CHLSN: variants seen among roughly 807,000 people sequenced by gnomAD.
CHLSN encodes cholesin.
chr7:1,106,434 C>A, the CHLSN span, among the ~76,000 whole-genome samples: 1 of 152,098 alleles, frequency 6.6e-6, no homozygotes, highest in African/African-American at 2.4e-5. Context: ...GCCAGGACAG[C>A]GTGGCAGGGA....
chr7:1,042,588 C>T, the CHLSN span, among the ~76,000 whole-genome samples: 1 of 152,252 alleles, frequency 6.6e-6, no homozygotes, highest in Non-Finnish European at 1.5e-5. Flanking sequence ...TGCCATTCTC[C>T]CTGGCAGGAC....
the CHLSN span, chr7:1,091,257 C>T: frequency 6.4e-6 from 1 of 155,702 alleles, no homozygotes; most frequent in Non-Finnish European, 1.4e-5. Context: ...CAACCACAGC[C>T]ACCTCCCGAG....
the CHLSN span, among the ~76,000 whole-genome samples, chr7:1,008,783 C>T: frequency 5.3e-5 from 8 of 151,844 alleles, no homozygotes; most frequent in African/African-American, 1.2e-4. Context: ...CACGCACACA[C>T]GCACATGTAC....
At chr7:1,082,800 G>A in the CHLSN span, among the ~76,000 whole-genome samples, 1 of 152,226 alleles carries the variant, frequency 6.6e-6, no homozygotes, top group Non-Finnish European at 1.5e-5. Context: ...CCACCAAGGG[G>A]AAGATCCAGC....
the CHLSN span, among the ~76,000 whole-genome samples, chr7:1,012,891 A>G: frequency 6.6e-6 from 1 of 152,192 alleles, no homozygotes; most frequent in Non-Finnish European, 1.5e-5. Context: ...ACTGTCCTGG[A>G]CCAGGCAATT....
chr7:1,107,613 ACT>A, the CHLSN span, among the ~76,000 whole-genome samples: 1 of 152,162 alleles, frequency 6.6e-6, no homozygotes, highest in African/African-American at 2.4e-5. Context: ...AGGGCTCTGA[ACT>A]CTTTTTGACA....
chr7:1,014,764 C>T, the CHLSN span, among the ~76,000 whole-genome samples: 259 of 152,368 alleles, frequency 1.7e-3, no homozygotes, highest in African/African-American at 6.0e-3. Context: ...AGAAACGAGC[C>T]CTGAGAAGGG....
At chr7:1,052,515 A>G in the CHLSN span, among the ~76,000 whole-genome samples, 1 of 152,072 alleles carries the variant, frequency 6.6e-6, no homozygotes, top group Non-Finnish European at 1.5e-5. This position sits in a 1 kb window ranked among gnomAD's most constrained non-coding sequence, Gnocchi z 4.2. Context: ...CTGGAGGAGC[A>G]GGGCCTGGCG....
the CHLSN span, among the ~76,000 whole-genome samples, chr7:1,016,225 G>A: frequency 3.5e-4 from 11 of 31,348 alleles, no homozygotes; most frequent in East Asian, 1.4e-3. Flanking sequence ...AGCAGCACAC[G>A]CCAGCACACA....
At chr7:1,049,590 C>T in the CHLSN span, among the ~76,000 whole-genome samples, 5 of 152,164 alleles carry the variant, frequency 3.3e-5, no homozygotes, top group East Asian at 5.8e-4. Context: ...TTTCTTACAG[C>T]GCTTTATGTC....
At chr7:1,101,830 C>T in the CHLSN span, among the ~76,000 whole-genome samples, 158 of 152,378 alleles carry the variant, frequency 1.0e-3, no homozygotes, top group Non-Finnish European at 1.9e-3. Context: ...AGGAGGTGCG[C>T]GTCGCGGACA....
the CHLSN span, chr7:1,127,493 AGAGTATTATGG>A: frequency 8.5e-6 from 9 of 1,062,008 alleles, no homozygotes; most frequent in African/African-American, 1.6e-5. Context: ...AAAAAAAAAA[AGAGTATTATGG>A]AAAACATATA....
the CHLSN span, among the ~76,000 whole-genome samples, chr7:1,097,881 C>T: frequency 1.3e-5 from 2 of 152,098 alleles, no homozygotes; most frequent in South Asian, 2.1e-4. This position sits in a 1 kb window ranked among gnomAD's most constrained non-coding sequence, Gnocchi z 4.3. Flanking sequence ...GAAGGGAGGA[C>T]GGGGAACCAG....
the CHLSN span, chr7:1,026,260 A>G: frequency 6.6e-6 from 1 of 152,206 alleles, no homozygotes; most frequent in Admixed American, 6.5e-5. Context: ...CTACTATTGG[A>G]CCAGTTGAGG....
the CHLSN span, among the ~76,000 whole-genome samples, chr7:1,049,960 C>T: frequency 1.2e-4 from 19 of 152,304 alleles, no homozygotes; most frequent in African/African-American, 4.6e-4. Flanking sequence ...CCCACCCCAC[C>T]CCAACAAGGA....
the CHLSN span, chr7:985,016 G>A: frequency 2.5e-6 from 4 of 1,611,980 alleles, no homozygotes; most frequent in Non-Finnish European, 3.4e-6. Flanking sequence ...GCCCTGCACA[G>A]CCTGGGCGTG....
the CHLSN span, among the ~76,000 whole-genome samples, chr7:1,012,254 C>T: frequency 2.6e-5 from 4 of 152,232 alleles, no homozygotes; most frequent in South Asian, 2.1e-4. Context: ...GTGGGGCACC[C>T]GGACAGGCCC....
the CHLSN span, among the ~76,000 whole-genome samples, chr7:1,038,303 TG>T: frequency 1.6e-5 from 1 of 64,026 alleles, no homozygotes; most frequent in African/African-American, 5.6e-5. Context: ...GGGAGGGAGG[TG>T]GGGGGGTCAG....
chr7:1,032,490 C>A, the CHLSN span, among the ~76,000 whole-genome samples: 2 of 152,088 alleles, frequency 1.3e-5, no homozygotes, highest in Non-Finnish European at 2.9e-5. Context: ...GACAGTGGCC[C>A]TCAGAGGCCG....
Sources: gnomAD v4.1 joint callset for allele counts (sites outside exome capture counted in the v4.1 genomes callset) on GRCh38, gnomAD v4.1.1 for gene constraint, Gnocchi (gnomAD v3.1) non-coding constraint, MANE v1.5 for transcripts, NCBI Gene and HGNC (gene_info 2026-07-23, HGNC 2026-07-21) for gene names.